Variants in ATP8A1 observed in about 807,000 individuals in gnomAD.
ATP8A1 encodes the protein ATPase phospholipid transporting 8A1, also known as phospholipid-transporting ATPase IA.
ATP8A1 carries 90 observed loss-of-function variants against 177.7 expected under a neutral mutation model. That is an observed-to-expected ratio of 0.51 (90% CI 0.43 to 0.60). The LOEUF (loss-of-function observed/expected upper bound fraction) is 0.60. ATP8A1 is among the 20% of genes least tolerant of loss of function. The probability of loss-of-function intolerance (pLI) is 0.00; values close to 1 mark genes in which losing one functional copy is unlikely to be tolerated. For missense variants in ATP8A1, 1,072 were observed against 1,392.8 expected (o/e 0.77, Z 3.67); for synonymous variants, 493 against 485.9 (o/e 1.01, Z -0.19).
At chr4:42,645,383 C>T (rs189614189) in intron 1 of ATP8A1, among the ~76,000 whole-genome samples, 4 of 152,288 alleles carry the variant, frequency 2.6e-5, no homozygotes, top group South Asian at 2.1e-4. Context: ...TTTCTTGGCT[C>T]GCAACCTATA....
chr4:42,617,798 C>T (rs1577711495), intron 4 of ATP8A1, among the ~76,000 whole-genome samples: 1 of 152,310 alleles, frequency 6.6e-6, no homozygotes, highest in East Asian at 1.9e-4. Flanking sequence ...TGCACAAGAG[C>T]ATCTCTTTCC....
rs918124145 is a variant in ATP8A1, at chr4:42,418,306, C to T, written c.3306-3588G>A. 7.9e-5 allele frequency among the ~76,000 whole-genome samples: 12 copies of T among 152,232 alleles called. No homozygotes were observed. In the East Asian group the frequency reaches 2.3e-3, roughly 29 times the overall value. On this transcript the variant is annotated intron_variant, in intron 35 of 36. Coordinates refer to ENST00000381668, the MANE Select transcript of ATP8A1 (RefSeq NM_006095.2). ...TTTAGTAATGGCCAATGATGATATG[C>T]TGGCTAATATCTACAGTGAGAAATA...
At chr4:42,575,513 A>T in intron 13 of ATP8A1, 109 bp downstream of exon 13, 2 of 812,330 alleles carry the variant, frequency 2.5e-6, no homozygotes, top group Non-Finnish European at 4.1e-6. Flanking sequence ...TTATTCAAAT[A>T]GTGGAAAATT....
intron 1 of ATP8A1, among the ~76,000 whole-genome samples, chr4:42,636,156 A>ACACACGCGCGAGCGCGCGCG (rs565139270): frequency 1.1e-5 from 1 of 90,968 alleles, no homozygotes; most frequent in African/African-American, 3.3e-5. Flanking sequence ...ACACACACAC[A>ACACACGCGCGAGCGCGCGCG]CGCACACACA....
At chr4:42,623,340 CT>C (rs1313753451) in intron 4 of ATP8A1, among the ~76,000 whole-genome samples, 2 of 152,218 alleles carry the variant, frequency 1.3e-5, no homozygotes, top group African/African-American at 4.8e-5. Flanking sequence ...AATCCCATTA[CT>C]GGGTATATAC....
At chr4:42,494,505 T>C (rs778970057) in intron 24 of ATP8A1, among the ~76,000 whole-genome samples, 1 of 152,224 alleles carries the variant, frequency 6.6e-6, no homozygotes, top group Non-Finnish European at 1.5e-5. Flanking sequence ...AGTTTTCTTA[T>C]GAAATCTCCC....
At chr4:42,448,245 G>A (rs1374634081) in intron 30 of ATP8A1, among the ~76,000 whole-genome samples, 7 of 152,116 alleles carry the variant, frequency 4.6e-5, no homozygotes, top group South Asian at 2.1e-4. Context: ...GGATTCTCAC[G>A]TTTTGGTTGA....
intron 9 of ATP8A1, 64 bp downstream of exon 9, chr4:42,586,285 A>C (rs998217787): frequency 1.3e-6 from 2 of 1,562,486 alleles, no homozygotes; most frequent in African/African-American, 2.7e-5. Flanking sequence ...CCAGACTTAG[A>C]AGACACAGCA....
chr4:42,588,449 G>T, intron 7 of ATP8A1, 120 bp from the exon 8 acceptor site: 1 of 720,922 alleles, frequency 1.4e-6, no homozygotes, highest in Non-Finnish European at 2.2e-6. Flanking sequence ...TAGTTACTTA[G>T]CTTCTTGATG....
intron 5 of ATP8A1, among the ~76,000 whole-genome samples, chr4:42,612,672 G>A (rs1271987156): frequency 6.6e-6 from 1 of 151,694 alleles, no homozygotes; most frequent in Admixed American, 6.6e-5. Context: ...TTCCAGAAGT[G>A]GTGTTGACAA....
At chr4:42,468,454 G>C (rs13106609) in intron 25 of ATP8A1, among the ~76,000 whole-genome samples, 9 of 94,710 alleles carry the variant, frequency 9.5e-5, no homozygotes, top group Middle Eastern at 5.3e-3. Context: ...CACACACACA[G>C]ACACACACAT....
chr4:42,532,519 T>A (rs543816354), intron 20 of ATP8A1, among the ~76,000 whole-genome samples: 3 of 151,418 alleles, frequency 2.0e-5, no homozygotes, highest in Admixed American at 6.6e-5. Flanking sequence ...ACAAAAAAAA[T>A]AGAAAACATC....
At chr4:42,649,879 T>C (rs77481537) in intron 1 of ATP8A1, among the ~76,000 whole-genome samples, 2,917 of 152,316 alleles carry the variant, frequency 0.019, 33 homozygotes, top group Middle Eastern at 0.054. Flanking sequence ...TGCCAGGCAA[T>C]GTCCTCATGG....
At chr4:42,487,099 GCT>G (rs1171561814) in intron 24 of ATP8A1, among the ~76,000 whole-genome samples, 1 of 152,128 alleles carries the variant, frequency 6.6e-6, no homozygotes, top group Admixed American at 6.6e-5. Flanking sequence ...TTATGAACTG[GCT>G]TTTGTAATTT....
At chr4:42,514,996 A>T (rs1359755322) in intron 22 of ATP8A1, among the ~76,000 whole-genome samples, 2 of 152,388 alleles carry the variant, frequency 1.3e-5, no homozygotes, top group East Asian at 3.9e-4. Context: ...TTAATAAATT[A>T]TTCACATTAT....
intron 24 of ATP8A1, among the ~76,000 whole-genome samples, chr4:42,503,056 C>A (rs894626298): frequency 4.6e-5 from 7 of 152,118 alleles, no homozygotes; most frequent in Admixed American, 6.5e-5. Context: ...TTGTGTTGTT[C>A]AATAGCTTTC....
chr4:42,555,497 A>G (rs1730120794), intron 16 of ATP8A1, among the ~76,000 whole-genome samples: 2 of 152,182 alleles, frequency 1.3e-5, no homozygotes, highest in African/African-American at 4.8e-5. Flanking sequence ...TGGCCAAGTA[A>G]AAAGGATTTG....
intron 1 of ATP8A1, among the ~76,000 whole-genome samples, chr4:42,636,156 A>ACACACGCGCGCGTGCGCGCG: frequency 1.1e-5 from 1 of 90,968 alleles, no homozygotes; most frequent in South Asian, 4.2e-4. Context: ...ACACACACAC[A>ACACACGCGCGCGTGCGCGCG]CGCACACACA....
chr4:42,425,773 C>T (rs1371134799), intron 33 of ATP8A1, among the ~76,000 whole-genome samples: 2 of 152,308 alleles, frequency 1.3e-5, no homozygotes, highest in Middle Eastern at 3.4e-3. Flanking sequence ...CGGTTCCCTC[C>T]GAGAGCGGTT....
Sources: gnomAD v4.1 joint callset for allele counts (sites outside exome capture counted in the v4.1 genomes callset) on GRCh38, gnomAD v4.1.1 for gene constraint, MANE v1.5 for transcripts, NCBI Gene and HGNC (gene_info 2026-07-23, HGNC 2026-07-21) for gene names.